BBX: variants seen among roughly 807,000 people sequenced by gnomAD.
The protein encoded by BBX is HMG box transcription factor BBX.
Under a neutral mutation model 100.2 loss-of-function variants are expected in BBX, and 30 were observed. That is an observed-to-expected ratio of 0.30 (90% CI 0.22 to 0.41). The LOEUF is 0.41. Among genes scored for constraint, BBX ranks in the 10% least tolerant of loss-of-function variants. BBX has a pLI of 1.00. For synonymous variants in BBX, 376 were observed against 388.1 expected (o/e 0.97, Z 0.37); for missense variants, 1,023 against 1,129.8 (o/e 0.91, Z 1.35).
intron 3 of BBX, among the ~76,000 whole-genome samples, chr3:107,689,820 A>G (rs2060048325): frequency 6.6e-6 from 1 of 152,212 alleles, no homozygotes; most frequent in Admixed American, 6.5e-5. Flanking sequence ...AATCAGTGAT[A>G]CAATCAGATG....
At chr3:107,547,714 C>G (rs2049341823) in intron 2 of BBX, among the ~76,000 whole-genome samples, 1 of 151,928 alleles carries the variant, frequency 6.6e-6, no homozygotes, top group African/African-American at 2.4e-5. Context: ...GTAATTTATC[C>G]AACCCCCAAT....
At chr3:107,530,537 T>C (rs1269659587) in intron 2 of BBX, among the ~76,000 whole-genome samples, 1 of 152,214 alleles carries the variant, frequency 6.6e-6, no homozygotes, top group Non-Finnish European at 1.5e-5. Flanking sequence ...GGTCCTCGGA[T>C]GAAAAGTTCA....
At chr3:107,769,241 G>GATA (rs1553814743) in intron 10 of BBX, among the ~76,000 whole-genome samples, 1 of 139,026 alleles carries the variant, frequency 7.2e-6, no homozygotes, top group African/African-American at 3.1e-5. Context: ...CAGATAGATA[G>GATA]GATAGATAGA....
intron 2 of BBX, among the ~76,000 whole-genome samples, chr3:107,615,152 C>A (rs750618421): frequency 6.6e-6 from 1 of 152,120 alleles, no homozygotes. Flanking sequence ...GGTGTTTCAA[C>A]AAGCTGGCTG....
intron 2 of BBX, among the ~76,000 whole-genome samples, chr3:107,539,004 G>C (rs149927074): frequency 3.3e-5 from 5 of 152,038 alleles, no homozygotes; most frequent in Non-Finnish European, 5.9e-5. Context: ...TGCTCAGGCT[G>C]GTCTTCAACT....
At chr3:107,603,492 C>T (rs1252316513) in intron 2 of BBX, among the ~76,000 whole-genome samples, 1 of 152,130 alleles carries the variant, frequency 6.6e-6, no homozygotes, top group Admixed American at 6.5e-5. Flanking sequence ...GATTCTCCTG[C>T]CTCAGCCTCC....
chr3:107,716,532 C>T, intron 4 of BBX, 75 bp from the exon 5 acceptor site: 1 of 1,530,082 alleles, frequency 6.5e-7, no homozygotes, highest in Non-Finnish European at 8.8e-7. Flanking sequence ...ATACAATTTG[C>T]AAACCAAGAC....
intron 3 of BBX, among the ~76,000 whole-genome samples, chr3:107,692,806 T>G (rs1328695261): frequency 6.7e-6 from 1 of 149,868 alleles, no homozygotes; most frequent in Non-Finnish European, 1.5e-5. Context: ...TAGTTTACAG[T>G]CCCACCAACA....
In BBX at chr3:107,805,591, T is replaced by G; in HGVS notation, c.*134T>G. The G allele has an allele frequency of 6.6e-6, 10 of 1,514,362 alleles. No individual in the cohort carries two copies. The highest frequency in any genetic ancestry group is 8.9e-6 in the Non-Finnish European group (10 of 1,119,182). 93.8% of individuals were successfully genotyped at this position (1,514,362 alleles called of 1,614,324 possible). ...GCTTGTTGCCCCACACGGCCCAGAT[T>G]CACTTGAAGCAGAAGTTAGCATCCT... is the stretch of plus-strand genomic sequence containing the variant. On this transcript the variant is annotated 3_prime_UTR_variant, in exon 18 of 18. Coordinates refer to ENST00000325805, the MANE Select transcript of BBX (RefSeq NM_001142568.3).
At chr3:107,720,759 T>C (rs1005570499) in intron 5 of BBX, among the ~76,000 whole-genome samples, 1 of 152,068 alleles carries the variant, frequency 6.6e-6, no homozygotes, top group African/African-American at 2.4e-5. Flanking sequence ...CAAAACTCCA[T>C]GGGTTTTTTA....
intron 7 of BBX, among the ~76,000 whole-genome samples, chr3:107,734,518 C>A (rs2107540422): frequency 6.6e-6 from 1 of 152,250 alleles, no homozygotes; most frequent in African/African-American, 2.4e-5. Flanking sequence ...AAGCGTGTTC[C>A]AAAGGTGAAT....
chr3:107,701,853 C>A (rs1217626460), intron 3 of BBX, among the ~76,000 whole-genome samples: 1 of 151,536 alleles, frequency 6.6e-6, no homozygotes, highest in Non-Finnish European at 1.5e-5. Context: ...ACCTTTTAGG[C>A]TTATTGTAAG....
rs2062144194 is a variant in BBX at position 107,716,860 on chromosome 3, A to G, written c.405+11A>G. ...GACATGGCCAAGGAGGTAGGTTACA[A>G]TGACAAGGTATTCTGATAGCTAAAA... On this transcript the variant is annotated intron_variant, in intron 5 of 17. Transcript: ENST00000325805. 1.9e-6 allele frequency: 3 copies of G among 1,611,896 alleles called. No individual in the cohort carries two copies. The highest frequency in any genetic ancestry group is 2.5e-6 in the Non-Finnish European group (3 of 1,178,296).
chr3:107,715,444 C>G (rs2062036934), intron 4 of BBX, among the ~76,000 whole-genome samples: 1 of 152,196 alleles, frequency 6.6e-6, no homozygotes, highest in African/African-American at 2.4e-5. Flanking sequence ...ATTCGAAACA[C>G]TTCTGGTCCC....
At chr3:107,605,335 C>G (rs1034201804) in intron 2 of BBX, among the ~76,000 whole-genome samples, 3 of 151,022 alleles carry the variant, frequency 2.0e-5, no homozygotes, top group African/African-American at 7.3e-5. Context: ...TCAAAGAAAA[C>G]TAAAAGGAAA....
chr3:107,779,594 T>C (rs570625352), intron 13 of BBX, among the ~76,000 whole-genome samples: 1 of 152,226 alleles, frequency 6.6e-6, no homozygotes, highest in South Asian at 2.1e-4. Flanking sequence ...CTTCATCAAA[T>C]TGGATAATTT....
intron 3 of BBX, among the ~76,000 whole-genome samples, chr3:107,667,365 C>G (rs1385806923): frequency 6.6e-6 from 1 of 151,990 alleles, no homozygotes; most frequent in African/African-American, 2.4e-5. Context: ...TTTAGACAGG[C>G]TTGAAAGTGC....
chr3:107,723,360 T>C lies in BBX; in HGVS notation c.406-5405T>C, dbSNP rs150370325. Among the ~76,000 whole-genome samples, 24 of 152,182 alleles carry C rather than the reference T, an allele frequency of 1.6e-4. 1 individual carries two copies. The East Asian group carries it at 4.6e-3, about 29-fold the overall frequency. On this transcript the variant is annotated intron_variant, in intron 5 of 17. Transcript: ENST00000325805. The stretch of plus-strand genomic sequence containing the variant: ...TTTTGTTCATCAAATTTGCATTTTT[T>C]TGTAAATGATCTGGAAAAGTAATGT...
intron 2 of BBX, among the ~76,000 whole-genome samples, chr3:107,633,134 A>T (rs1268915530): frequency 6.6e-6 from 1 of 152,110 alleles, no homozygotes; most frequent in Non-Finnish European, 1.5e-5. Context: ...AAACTTTATT[A>T]TATAAGTTAC....
Sources: gnomAD v4.1 joint callset for allele counts (sites outside exome capture counted in the v4.1 genomes callset) on GRCh38, gnomAD v4.1.1 for gene constraint, MANE v1.5 for transcripts, NCBI Gene and HGNC (gene_info 2026-07-23, HGNC 2026-07-21) for gene names.